The following LYST variants were observed in gnomAD, a reference collection of about 807,000 sequenced individuals.
LYST encodes lysosomal-trafficking regulator.
A neutral mutation model predicts 413.6 loss-of-function variants in LYST; 192 were observed. The observed-to-expected ratio is 0.46, with a 90% confidence interval of 0.41 to 0.52. The LOEUF is 0.52. Ranked by LOEUF, LYST falls within the 20% of genes least tolerant of loss-of-function variation. The probability of loss-of-function intolerance (pLI) is 0.00; values close to 1 mark genes in which losing one functional copy is unlikely to be tolerated. For missense variants in LYST, 3,815 were observed against 4,499.9 expected (o/e 0.85, Z 4.35); for synonymous variants, 1,525 against 1,567.3 (o/e 0.97, Z 0.64).
intron 46 of LYST, 84 bp from the exon 47 acceptor site, chr1:235,693,570 G>A: frequency 1.4e-6 from 2 of 1,441,606 alleles, no homozygotes; most frequent in South Asian, 1.1e-5. Flanking sequence ...ATTAAAGGGT[G>A]AAGTTTACAT....
chr1:235,861,268 GA>G (rs1679839190), intron 1 of LYST, among the ~76,000 whole-genome samples: 1 of 152,038 alleles, frequency 6.6e-6, no homozygotes, highest in African/African-American at 2.4e-5. Flanking sequence ...AAAATTATTT[GA>G]TTCCTTTCTT....
chr1:235,788,514 G>T (rs1212256014), intron 13 of LYST, among the ~76,000 whole-genome samples, 187 bp downstream of exon 13: 2 of 151,954 alleles, frequency 1.3e-5, no homozygotes, highest in African/African-American at 4.8e-5. Flanking sequence ...TAGACTTTAT[G>T]GATTTTTGGA....
chr1:235,677,120 G>A lies in LYST; in HGVS notation c.11009C>T (p.Ser3670Leu). 6.2e-7 allele frequency: 1 copy of A among 1,613,992 alleles called. No individual in the cohort carries two copies. Among genetic ancestry groups the A allele is most frequent in the Non-Finnish European group, 8.5e-7 (1 of 1,179,892 alleles). ...ATCACACACAGTAGCAATATCACCT[G>A]AGGTTTCACTGGCAGAGACAGCTGT... ...PVTAVSASET[S>L]GDIATVCDSA... The change falls in exon 50 of 53, where the codon TCA (serine) becomes TTA (leucine). Residue 3670 changes from serine to leucine, a missense_variant. Physicochemically the swap from Ser to Leu is moderately radical, Grantham distance 145. Around this residue, in one of 4 missense-constraint regions of LYST, gnomAD observed 866 missense variants for 1,156.0 expected, o/e 0.75. Coordinates refer to ENST00000389793, the MANE Select transcript of LYST (RefSeq NM_000081.4).
chr1:235,856,771 G>C (rs1420475439), intron 1 of LYST, among the ~76,000 whole-genome samples: 1 of 152,026 alleles, frequency 6.6e-6, no homozygotes, highest in Non-Finnish European at 1.5e-5. Context: ...GTCTTTGGAA[G>C]CATCACTAAG....
At position 235,788,175 on chromosome 1, in the gene LYST, T is replaced by A. The variant is rs568972369; in HGVS notation, c.4688+526A>T. Among the ~76,000 whole-genome samples, 25 of 152,236 alleles carry A rather than the reference T, an allele frequency of 1.6e-4. 1 individual carries two copies. Among genetic ancestry groups the A allele is most frequent in the African/African-American group, 5.8e-4 (24 of 41,546 alleles). ...TTTGTTTTTATTTATTTATTTATTTTTTGAGACAGAGTCTCACTCTGTCAC... is the reference window on the plus strand; with the variant it reads ...TTTGTTTTTATTTATTTATTTATTTATTGAGACAGAGTCTCACTCTGTCAC... On this transcript the variant is annotated intron_variant, in intron 13 of 52. Transcript: ENST00000389793.
intron 1 of LYST, among the ~76,000 whole-genome samples, chr1:235,836,938 G>T (rs745519712): frequency 6.6e-6 from 1 of 152,208 alleles, no homozygotes; most frequent in Non-Finnish European, 1.5e-5. Context: ...GAATCAATTT[G>T]GGAATCATCA....
chr1:235,718,700 C>T (rs1385374554), intron 40 of LYST, among the ~76,000 whole-genome samples: 6 of 152,030 alleles, frequency 3.9e-5, no homozygotes, highest in Non-Finnish European at 5.9e-5. Flanking sequence ...TCATATTAAA[C>T]GAACAAAATA....
At chr1:235,879,957 G>A (rs778877305) in intron 1 of LYST, among the ~76,000 whole-genome samples, 9 of 152,064 alleles carry the variant, frequency 5.9e-5, no homozygotes, top group South Asian at 2.1e-4. Flanking sequence ...GGGTGATCTC[G>A]AACTCCTGAC....
At position 235,751,297 on chromosome 1, in the gene LYST, T is replaced by C; in HGVS notation, c.7693A>G (p.Asn2565Asp). The change falls in exon 28 of 53, where the codon AAT (asparagine) becomes GAT (aspartate). Residue 2565 changes from asparagine to aspartate, a missense_variant. Physicochemically the swap from Asn to Asp is conservative, Grantham distance 23 (BLOSUM62 1). This residue lies in a region of LYST where 771 missense variants were observed against 837.1 expected (regional missense o/e 0.92). Transcript: ENST00000389793. ...AAMEFIRTTA[N>D]HDSENLTDSL... ...TCTGTGAGGTTTTCAGAGTCATGAT[T>C]TGCGGTGGTCCTTATAAATTCCATA... The C allele has an allele frequency of 6.2e-7, 1 of 1,613,726 alleles. No individual in the cohort carries two copies. Among genetic ancestry groups the C allele is most frequent in the East Asian group, 2.2e-5 (1 of 44,870 alleles).
intron 23 of LYST, among the ~76,000 whole-genome samples, chr1:235,758,555 T>C (rs1035200207): frequency 6.6e-6 from 1 of 152,202 alleles, no homozygotes; most frequent in Non-Finnish European, 1.5e-5. Context: ...GAGCCGTCAC[T>C]TGTCTCTGAT....
rs563308983 is a variant in LYST, at chr1:235,674,144, A to G, written c.11038+2947T>C. Among the ~76,000 whole-genome samples the G allele has an allele frequency of 1.3e-5, 2 of 152,174 alleles. No homozygotes were observed. The highest frequency in any genetic ancestry group is 3.9e-4 in the East Asian group (2 of 5,182). On this transcript the variant is annotated intron_variant, in intron 50 of 52. Transcript: ENST00000389793. This position sits in a 1 kb window ranked among gnomAD's most constrained non-coding sequence, Gnocchi z 4.1. ...ATTTGGCCTCCAAGTAACAATGTCA[A>G]TTTTACCTTGTGTCTCTCACGACAG...
Position 235,854,979 on chromosome 1 carries a change from T to TTA in LYST, c.-98+11863_-98+11864insTA, listed in dbSNP as rs1678989937. ...GCTTATTATCAAAGTATGCAATACC[T>TTA]GCTACAATTTAGCTTTTCCAAACTC... is the stretch of plus-strand genomic sequence containing the variant. On this transcript the variant is annotated intron_variant, in intron 1 of 52. Coordinates refer to ENST00000389793, the MANE Select transcript of LYST (RefSeq NM_000081.4). This position sits in a 1 kb window ranked among gnomAD's most constrained non-coding sequence, Gnocchi z 4.1. 6.6e-6 allele frequency among the ~76,000 whole-genome samples: 1 copy of TTA among 152,236 alleles called. No individual in the cohort carries two copies. The highest frequency in any genetic ancestry group is 2.4e-5 in the African/African-American group (1 of 41,466).
intron 44 of LYST, among the ~76,000 whole-genome samples, chr1:235,706,370 C>A (rs777003705): frequency 5.9e-5 from 9 of 152,164 alleles, no homozygotes; most frequent in Non-Finnish European, 1.2e-4. Flanking sequence ...ACAGAGGAAT[C>A]TGAACAAACA....
chr1:235,733,753 A>C, intron 33 of LYST, 62 bp from the exon 34 acceptor site: 1 of 1,517,668 alleles, frequency 6.6e-7, no homozygotes, highest in Non-Finnish European at 9.2e-7. Flanking sequence ...TCAGAACATG[A>C]TACTTTAAAA....
In LYST at chr1:235,808,527, T is replaced by C. The variant is rs1673116369; in HGVS notation, c.2291A>G (p.His764Arg). 6.2e-7 allele frequency: 1 copy of C among 1,613,868 alleles called. No individual in the cohort carries two copies. Among genetic ancestry groups the C allele is most frequent in the African/African-American group, 1.3e-5 (1 of 74,974 alleles). The change falls in exon 5 of 53, where the codon CAT becomes CGT. Residue 764 changes from histidine (H) to arginine (R), a missense_variant. Transcript: ENST00000389793. The stretch of plus-strand genomic sequence containing the variant: ...GTCCTGAGGCAAGCACTGGTTATGA[T>C]GGCTACATACATGACTTTGAGCTGA... ...VTSAQSHVCSHHNQCLPQDVL... is the reference protein window; with the variant it reads ...VTSAQSHVCSRHNQCLPQDVL...
At chr1:235,763,546 G>A (rs1297721719) in intron 21 of LYST, among the ~76,000 whole-genome samples, 1 of 152,092 alleles carries the variant, frequency 6.6e-6, no homozygotes, top group East Asian at 1.9e-4. Context: ...TGCCTCCCTG[G>A]TTCAAGCAAT....
Position 235,662,757 on chromosome 1 carries a change from A to G in LYST, c.*183T>C, listed in dbSNP as rs970637613. ...TCTTCCAGATTATCACTAAAATAGA[A>G]CAGAACTTTCCTCTTAGGATCATGT... On this transcript the variant is annotated 3_prime_UTR_variant, in exon 53 of 53. Coordinates refer to ENST00000389793, the MANE Select transcript of LYST (RefSeq NM_000081.4). 5 of 695,346 alleles carry G rather than the reference A, an allele frequency of 7.2e-6. No homozygotes were observed. The highest frequency in any genetic ancestry group is 4.6e-5 in the South Asian group (3 of 64,776). 43.1% of individuals were successfully genotyped at this position (695,346 alleles called of 1,614,324 possible).
chr1:235,749,491 G>T (rs1048772970), intron 28 of LYST, among the ~76,000 whole-genome samples: 3 of 152,072 alleles, frequency 2.0e-5, no homozygotes, highest in Non-Finnish European at 4.4e-5. Flanking sequence ...GAGTAGATGT[G>T]GTGCAGGACA....
chr1:235,712,385 A>AT (rs1450565929), intron 42 of LYST, 188 bp from the exon 43 acceptor site: 1 of 531,394 alleles, frequency 1.9e-6, no homozygotes, highest in East Asian at 3.5e-5. Flanking sequence ...ATCATATTAC[A>AT]TTTTTCATCT....
Sources: gnomAD v4.1 joint callset for allele counts (sites outside exome capture counted in the v4.1 genomes callset) on GRCh38, gnomAD v4.1.1 for gene constraint, gnomAD v4.1.1 regional missense constraint, Gnocchi (gnomAD v3.1) non-coding constraint, MANE v1.5 for transcripts, NCBI Gene and HGNC (gene_info 2026-07-23, HGNC 2026-07-21) for gene names.